The following CUBN variants were observed in gnomAD, a reference collection of about 807,000 sequenced individuals.
CUBN encodes 460 kDa receptor.
A neutral mutation model predicts 405.3 loss-of-function variants in CUBN; 282 were observed. The observed-to-expected ratio is 0.70, with a 90% CI of 0.63 to 0.77. The LOEUF is 0.77. Among genes scored for constraint, CUBN ranks in the 30% least tolerant of loss-of-function variants. The pLI is 0.00. For missense variants in CUBN, 4,514 were observed against 4,475.2 expected (o/e 1.01, Z -0.25); for synonymous variants, 1,684 against 1,617.0 (o/e 1.04, Z -0.99).
At chr10:16,840,673 T>C (rs1287771301) in intron 61 of CUBN, 138 bp from the exon 62 acceptor site, 2 of 889,220 alleles carry the variant, frequency 2.2e-6, no homozygotes, top group Non-Finnish European at 1.8e-6. Context: ...TCAGGGTTTA[T>C]ATCCTTGACT....
intron 3 of CUBN, 139 bp downstream of exon 3, chr10:17,127,690 C>A: frequency 1.6e-6 from 1 of 621,918 alleles, no homozygotes. Flanking sequence ...ACAGCTGTGT[C>A]ATTTAACCAA....
At chr10:16,941,787 A>G (rs1842657933) in intron 36 of CUBN, among the ~76,000 whole-genome samples, 1 of 152,148 alleles carries the variant, frequency 6.6e-6, no homozygotes, top group African/African-American at 2.4e-5. Context: ...GGCTGAAGTG[A>G]GGGGTGATCG....
intron 27 of CUBN, among the ~76,000 whole-genome samples, chr10:17,021,167 G>A (rs1293450091): frequency 2.6e-5 from 4 of 151,730 alleles, no homozygotes; most frequent in African/African-American, 9.7e-5. Context: ...CTTGTAAATT[G>A]TTTACTGATG....
Position 16,925,233 on chromosome 10 carries a change from A to G in CUBN, c.6646+8T>C, listed in dbSNP as rs1564426758. ...AAAGCAGATATAATTCTCAGTGAAA[A>G]TACTTACCTAAACTCTTTGCCTCAT... is the stretch of plus-strand genomic sequence containing the variant. On this transcript the variant is annotated splice_region_variant and intron_variant, in intron 43 of 66. Transcript: ENST00000377833. 6.2e-7 allele frequency: 1 copy of G among 1,607,222 alleles called. No individual in the cohort carries two copies.
intron 33 of CUBN, among the ~76,000 whole-genome samples, chr10:16,951,601 G>A (rs921899306): frequency 6.6e-6 from 1 of 152,244 alleles, no homozygotes; most frequent in African/African-American, 2.4e-5. Context: ...TGTCCTTGAG[G>A]GGCATTTCCT....
At chr10:16,884,128 C>T (rs540156990) in intron 56 of CUBN, among the ~76,000 whole-genome samples, 6 of 152,148 alleles carry the variant, frequency 3.9e-5, no homozygotes, top group East Asian at 1.9e-4. Context: ...TACAGGGGCC[C>T]GCCACCACGC....
chr10:17,103,689 C>A (rs1326998038), intron 12 of CUBN, among the ~76,000 whole-genome samples: 1 of 152,166 alleles, frequency 6.6e-6, no homozygotes, highest in African/African-American at 2.4e-5. Context: ...ACAACAACCT[C>A]TCAATAAATG....
chr10:16,833,753 G>A (rs1318233499), intron 64 of CUBN, among the ~76,000 whole-genome samples: 3 of 152,178 alleles, frequency 2.0e-5, no homozygotes, highest in Non-Finnish European at 2.9e-5. Context: ...GCAGAGGCCC[G>A]CTAGAAAGAA....
At chr10:17,123,011 A>T in intron 5 of CUBN, 113 bp from the exon 6 acceptor site, 1 of 758,612 alleles carries the variant, frequency 1.3e-6, no homozygotes, top group Non-Finnish European at 2.4e-6. Context: ...AAGTCCTCAT[A>T]AAGTCAAATA....
intron 39 of CUBN, 52 bp downstream of exon 39, chr10:16,937,540 T>C (rs955457373): frequency 8.1e-6 from 12 of 1,489,922 alleles, no homozygotes; most frequent in South Asian, 8.0e-5. Flanking sequence ...CTTTGAAACA[T>C]TGGCCTGCAC....
Position 16,829,079 on chromosome 10 carries a change from A to G in CUBN, c.10529-39T>C, listed in dbSNP as rs368023725. On this transcript the variant is annotated intron_variant, in intron 65 of 66. Coordinates refer to ENST00000377833, the MANE Select transcript of CUBN (RefSeq NM_001081.4). ...AGGACAGGAAGTTTGATTCAACAGC[A>G]TATAAGCCGTCCAGTCTGGCTTGTT... 5.6e-5 allele frequency: 85 copies of G among 1,506,996 alleles called. No homozygotes were observed. In the African/African-American group the frequency reaches 1.0e-3, roughly 18 times the overall value. 93.4% of individuals were successfully genotyped at this position (1,506,996 alleles called of 1,614,324 possible).
chr10:16,946,235 C>T (rs937354936), intron 36 of CUBN, among the ~76,000 whole-genome samples: 1 of 152,234 alleles, frequency 6.6e-6, no homozygotes, highest in Non-Finnish European at 1.5e-5. Context: ...ATCAGTGTGA[C>T]GTGTCACATA....
At chr10:17,084,934 A>C (rs1836072796) in intron 16 of CUBN, among the ~76,000 whole-genome samples, 1 of 152,218 alleles carries the variant, frequency 6.6e-6, no homozygotes, top group African/African-American at 2.4e-5. Context: ...TGGAAAGAAA[A>C]GGAAATGAAG....
intron 44 of CUBN, among the ~76,000 whole-genome samples, chr10:16,919,595 T>G (rs1841977273): frequency 1.3e-5 from 2 of 152,294 alleles, no homozygotes; most frequent in South Asian, 4.1e-4. Flanking sequence ...TTCCCATTTG[T>G]TAAACAGACA....
At chr10:16,999,750 A>G (rs1331207555) in intron 28 of CUBN, among the ~76,000 whole-genome samples, 2 of 152,248 alleles carry the variant, frequency 1.3e-5, no homozygotes, top group African/African-American at 4.8e-5. Context: ...ACTTCTATTT[A>G]GAAATATTAT....
chr10:17,014,649 G>C (rs1430652196), intron 28 of CUBN, among the ~76,000 whole-genome samples: 1 of 152,202 alleles, frequency 6.6e-6, no homozygotes, highest in Non-Finnish European at 1.5e-5. Context: ...TTGTACCCTT[G>C]ATTAGCTAGA....
Position 16,901,400 on chromosome 10 carries a change from C to A in CUBN, c.8122G>T (p.Ala2708Ser), listed in dbSNP as rs1443026927. 6.2e-7 allele frequency: 1 copy of A among 1,614,174 alleles called. No individual in the cohort carries two copies. The highest frequency in any genetic ancestry group is 8.5e-7 in the Non-Finnish European group (1 of 1,180,016). ...GAGCAGTGGGTCAGGCTGTCATAAG[C>A]ATTTGGATAGTTGGGGCTTGTGATC... The part of the protein sequence containing the change: ...GVITSPNYPN[A>S]YDSLTHCSSL... Residue 2708 changes from alanine to serine, a missense_variant, in exon 52 of 67, where the codon GCT becomes TCT. By Grantham distance (99) the Ala-to-Ser change is moderately conservative. This residue lies in a region of CUBN where 1,186 missense variants were observed against 1,186.9 expected (regional missense o/e 1.00). Transcript: ENST00000377833.
chr10:16,971,823 A>C (rs2131672367), intron 31 of CUBN, among the ~76,000 whole-genome samples: 1 of 151,666 alleles, frequency 6.6e-6, no homozygotes, highest in Non-Finnish European at 1.5e-5. Context: ...TAAAAAACCA[A>C]CTCTCCACTG....
At chr10:16,920,197 C>T in intron 43 of CUBN, 60 bp from the exon 44 acceptor site, 3 of 1,520,390 alleles carry the variant, frequency 2.0e-6, no homozygotes, top group Non-Finnish European at 2.7e-6. Context: ...AGTCAATGGC[C>T]ACAAATCATC....
Sources: allele counts gnomAD v4.1 joint callset (sites outside exome capture counted in the v4.1 genomes callset), GRCh38; gene constraint gnomAD v4.1.1; regional missense constraint gnomAD v4.1.1; transcripts MANE v1.5; gene names NCBI Gene and HGNC (gene_info 2026-07-23, HGNC 2026-07-21).